Variants in NRXN3 observed in about 807,000 individuals in gnomAD.
NRXN3 encodes the protein neurexin 3, also known as neurexin III.
Under a neutral mutation model 137.6 loss-of-function variants are expected in NRXN3, and 32 were observed. The observed-to-expected ratio is 0.23, with a 90% CI of 0.18 to 0.31. The LOEUF (loss-of-function observed/expected upper bound fraction) is 0.31. NRXN3 is among the 10% of genes least tolerant of loss of function. The pLI, the probability that NRXN3 is intolerant of heterozygous loss-of-function variation, is 1.00. For missense variants in NRXN3, 1,574 were observed against 2,062.5 expected (o/e 0.76, Z 4.59); for synonymous variants, 798 against 784.5 (o/e 1.02, Z -0.29).
intron 15 of NRXN3, among the ~76,000 whole-genome samples, chr14:79,208,037 G>T (rs772769151): frequency 6.6e-6 from 1 of 152,116 alleles, no homozygotes; most frequent in Non-Finnish European, 1.5e-5. Flanking sequence ...GTATAAAGAG[G>T]AAGGGACAAG....
At chr14:79,152,075 G>A (rs1379814319) in intron 15 of NRXN3, among the ~76,000 whole-genome samples, 2 of 151,698 alleles carry the variant, frequency 1.3e-5, no homozygotes, top group African/African-American at 4.8e-5. Flanking sequence ...TGTGTACTTG[G>A]GTCTATTTTC....
At chr14:78,926,916 ATATAATATATAATATATTT>A (rs1263574695) in intron 10 of NRXN3, among the ~76,000 whole-genome samples, 12 of 30,516 alleles carry the variant, frequency 3.9e-4, no homozygotes, top group Admixed American at 5.7e-4. Flanking sequence ...TATAATATAT[ATATAATATATAATATATTT>A]ATATATATAT....
intron 4 of NRXN3, among the ~76,000 whole-genome samples, chr14:78,643,730 G>C (rs2097658147): frequency 7.2e-5 from 11 of 152,100 alleles, no homozygotes; most frequent in Admixed American, 7.2e-4. Flanking sequence ...ATCATGAAGG[G>C]TCTGGTATGA....
intron 10 of NRXN3, among the ~76,000 whole-genome samples, chr14:78,818,138 A>C (rs1344399920): frequency 6.6e-6 from 1 of 151,692 alleles, no homozygotes; most frequent in African/African-American, 2.4e-5. Context: ...ATTAGTGTAC[A>C]TGGTTTAGAT....
intron 2 of NRXN3, among the ~76,000 whole-genome samples, chr14:78,260,273 C>T (rs1308690305): frequency 1.3e-5 from 2 of 152,022 alleles, no homozygotes; most frequent in Non-Finnish European, 2.9e-5. Flanking sequence ...GAGAAAAGAC[C>T]CTGTGAAGTT....
intron 10 of NRXN3, among the ~76,000 whole-genome samples, chr14:78,882,810 G>T (rs1371552526): frequency 2.0e-5 from 3 of 151,566 alleles, no homozygotes; most frequent in Non-Finnish European, 4.4e-5. Flanking sequence ...GAGGGCATGA[G>T]ATTTGTGAGG....
At position 79,865,531 on chromosome 14, in the gene NRXN3, A is replaced by T. The variant is rs2099417740; in HGVS notation, c.*3567A>T. 1.3e-5 allele frequency: 2 copies of T among 152,184 alleles called. No homozygotes were observed. The highest frequency in any genetic ancestry group is 2.9e-5 in the Non-Finnish European group (2 of 68,040). The allele number at this position is 152,184 out of a possible 1,614,324, so 9.4% of individuals were successfully genotyped here. On this transcript the variant is annotated 3_prime_UTR_variant, in exon 21 of 21. Coordinates refer to ENST00000335750, the MANE Select transcript of NRXN3 (RefSeq NM_001330195.2). ...TCAAGATAACATTAGTGGAGTGGTTATACTATCGACTATGTTAGGAATGGG... is the reference window on the plus strand; with the variant it reads ...TCAAGATAACATTAGTGGAGTGGTTTTACTATCGACTATGTTAGGAATGGG...
intron 8 of NRXN3, among the ~76,000 whole-genome samples, chr14:78,744,205 G>T (rs2098596280): frequency 6.6e-6 from 1 of 152,080 alleles, no homozygotes; most frequent in African/African-American, 2.4e-5. Context: ...GCAGTGACGC[G>T]ATCTCAGTTC....
chr14:79,435,438 T>C (rs1347181697), intron 15 of NRXN3, among the ~76,000 whole-genome samples: 1 of 152,088 alleles, frequency 6.6e-6, no homozygotes, highest in Non-Finnish European at 1.5e-5. Context: ...ATGAAAGATG[T>C]TGTGGGACAG....
intron 16 of NRXN3, among the ~76,000 whole-genome samples, chr14:79,488,731 A>G (rs1404224670): frequency 6.6e-6 from 1 of 152,134 alleles, no homozygotes; most frequent in African/African-American, 2.4e-5. Context: ...ATTCATATCT[A>G]GGTGTCTTAA....
chr14:79,380,456 T>A (rs191179834), intron 15 of NRXN3, among the ~76,000 whole-genome samples: 1 of 152,062 alleles, frequency 6.6e-6, no homozygotes, highest in East Asian at 1.9e-4. Flanking sequence ...TGTTCGGTTT[T>A]CTGTCCTTGC....
intron 15 of NRXN3, among the ~76,000 whole-genome samples, chr14:79,362,393 G>A (rs931979201): frequency 6.6e-6 from 1 of 150,672 alleles, no homozygotes; most frequent in Admixed American, 6.7e-5. Context: ...GTCATTCATC[G>A]TCCTCCAGTT....
chr14:78,569,931 G>A (rs1368958182), intron 4 of NRXN3, among the ~76,000 whole-genome samples: 2 of 152,276 alleles, frequency 1.3e-5, no homozygotes, highest in Non-Finnish European at 2.9e-5. Flanking sequence ...CTCAAGAGAT[G>A]TTGATATCCA....
chr14:78,526,932 G>A (rs151141383), intron 4 of NRXN3, among the ~76,000 whole-genome samples: 1 of 152,278 alleles, frequency 6.6e-6, no homozygotes, highest in Non-Finnish European at 1.5e-5. Flanking sequence ...CTCAGTGAGG[G>A]CCAAATGGAA....
Position 78,645,256 on chromosome 14 carries a change from C to T in NRXN3, c.894C>T (p.His298=), listed in dbSNP as rs767071602. 6.3e-7 allele frequency: 1 copy of T among 1,598,888 alleles called. No individual in the cohort carries two copies. The highest frequency in any genetic ancestry group is 1.7e-5 in the Admixed American group (1 of 60,016). Residue 298 remains histidine, a synonymous_variant, in exon 5 of 21, where the codon CAC becomes CAT. Coordinates refer to ENST00000335750, the MANE Select transcript of NRXN3 (RefSeq NM_001330195.2). Reference sequence around the variant, plus strand: ...GGCAGCGTAACGGCCTCATCCTGCACACGGGCAAGTCGGCTGACTATGTCA... The same window carrying T: ...GGCAGCGTAACGGCCTCATCCTGCATACGGGCAAGTCGGCTGACTATGTCA... The part of the protein sequence containing the change: ...KTWQRNGLIL[H]TGKSADYVNL...
chr14:78,922,738 T>C (rs955062087), intron 10 of NRXN3, among the ~76,000 whole-genome samples: 3 of 152,004 alleles, frequency 2.0e-5, no homozygotes, highest in African/African-American at 7.3e-5. Flanking sequence ...TCAGGATAAA[T>C]AGCTAATGCA....
chr14:78,891,280 T>C (rs1305458595), intron 10 of NRXN3, among the ~76,000 whole-genome samples: 3 of 151,960 alleles, frequency 2.0e-5, no homozygotes, highest in Admixed American at 6.6e-5. Flanking sequence ...TTATTGTCCA[T>C]ATTTTACTAA....
At chr14:79,020,989 T>G (rs1037729181) in intron 15 of NRXN3, among the ~76,000 whole-genome samples, 2 of 152,124 alleles carry the variant, frequency 1.3e-5, no homozygotes, top group Admixed American at 1.3e-4. Context: ...CCAGTTTAGA[T>G]GTGTGATCTT....
At chr14:78,263,829 A>G (rs2071203141) in intron 2 of NRXN3, among the ~76,000 whole-genome samples, 1 of 151,080 alleles carries the variant, frequency 6.6e-6, no homozygotes, top group Non-Finnish European at 1.5e-5. Flanking sequence ...TTTAGTTAAT[A>G]ACAAATTTCA....
Sources: allele counts gnomAD v4.1 joint callset (sites outside exome capture counted in the v4.1 genomes callset), GRCh38; gene constraint gnomAD v4.1.1; transcripts MANE v1.5; gene names NCBI Gene and HGNC (gene_info 2026-07-23, HGNC 2026-07-21).